The following MAGOHB variants were observed in gnomAD, a reference collection of about 807,000 sequenced individuals.
MAGOHB encodes the protein protein mago nashi homolog 2.
MAGOHB carries 15 observed loss-of-function variants against 20.9 expected under a neutral mutation model. The ratio of observed to expected loss-of-function variants is 0.72; its 90% confidence interval spans 0.48 to 1.11. The LOEUF (loss-of-function observed/expected upper bound fraction) is 1.11. Ranked by LOEUF, MAGOHB falls within the 50% of genes least tolerant of loss-of-function variation. The probability of loss-of-function intolerance (pLI) is 0.00; values close to 1 mark genes in which losing one functional copy is unlikely to be tolerated. For synonymous variants in MAGOHB, 50 were observed against 57.9 expected (o/e 0.86, Z 0.62); for missense variants, 162 against 177.6 (o/e 0.91, Z 0.50).
chr12:10,607,935 T>C lies in MAGOHB; in HGVS notation c.266A>G (p.Glu89Gly). Residue 89 changes from glutamate (E) to glycine (G), a missense_variant and splice_region_variant, in exon 4 of 5, where the codon GAG (glutamate) becomes GGG (glycine). Coordinates refer to ENST00000320756, the MANE Select transcript of MAGOHB (RefSeq NM_018048.5). ...WPPPDRVGRQ[E>G]LEIVIGDEHI... ...CTCATCTCCAATTACAATTTCAAGC[T>C]CCTAAAAAATATAGCAGAAAAATGT... 6.4e-7 allele frequency: 1 copy of C among 1,551,146 alleles called. No homozygotes were observed. Among genetic ancestry groups the C allele is most frequent in the Non-Finnish European group, 8.8e-7 (1 of 1,137,186 alleles).
At chr12:10,606,514 A>G (rs1865632439) in intron 4 of MAGOHB, 140 bp from the exon 5 acceptor site, 2 of 602,480 alleles carry the variant, frequency 3.3e-6, no homozygotes, top group Admixed American at 3.5e-5. Flanking sequence ...GCTGACAACT[A>G]AAATGAACAT....
intron 4 of MAGOHB, among the ~76,000 whole-genome samples, chr12:10,606,681 T>A (rs1865635611): frequency 1.3e-5 from 2 of 152,058 alleles, no homozygotes; most frequent in Non-Finnish European, 2.9e-5. Context: ...TTTCATAGAA[T>A]AACTATAAAC....
At chr12:10,610,575 TGCAAAAAA>T (rs765590218) in intron 2 of MAGOHB, 39 bp downstream of exon 2, 45,777 of 1,182,108 alleles carry the variant, frequency 0.039, 729 homozygotes, top group East Asian at 0.19. Flanking sequence ...ATGGGCTAAA[TGCAAAAAA>T]AAAAAAAAAA....
downstream of MAGOHB, among the ~76,000 whole-genome samples, chr12:10,601,715 A>G (rs11836264): frequency 0.041 from 6,252 of 152,320 alleles, 437 homozygotes; most frequent in African/African-American, 0.14. Context: ...GAAGTCCAAG[A>G]TTCAAATTGT....
In MAGOHB at chr12:10,605,275, C is replaced by T. The variant is rs768845042; in HGVS notation, c.*1000G>A. ...ATTGCAAAAAAGTTATTGGACTGCCCGACTCTAGAGCCTACCTGCTCAGGA... is the reference window on the plus strand; with the variant it reads ...ATTGCAAAAAAGTTATTGGACTGCCTGACTCTAGAGCCTACCTGCTCAGGA... On this transcript the variant is annotated 3_prime_UTR_variant, in exon 5 of 5. Coordinates refer to ENST00000320756, the MANE Select transcript of MAGOHB (RefSeq NM_018048.5). 3 of 152,142 alleles carry T rather than the reference C, an allele frequency of 2.0e-5. No homozygotes were observed. Among genetic ancestry groups the T allele is most frequent in the Admixed American group, 6.6e-5 (1 of 15,266 alleles). 9.4% of individuals were successfully genotyped at this position (152,142 alleles called of 1,614,324 possible).
Position 10,613,561 on chromosome 12 carries a change from G to A in MAGOHB, c.-29C>T, listed in dbSNP as rs1333528443. ...TGTACCCGGGAAGCCCGCCGAAAACGCAGCCAACGTGTCCCCCGGCGCCTT... is the reference window on the plus strand; with the variant it reads ...TGTACCCGGGAAGCCCGCCGAAAACACAGCCAACGTGTCCCCCGGCGCCTT... On this transcript the variant is annotated 5_prime_UTR_variant, in exon 1 of 5. Transcript: ENST00000320756. 6 of 1,495,688 alleles carry A rather than the reference G, an allele frequency of 4.0e-6. No individual in the cohort carries two copies. The highest frequency in any genetic ancestry group is 1.1e-5 in the South Asian group (1 of 88,744). The allele number at this position is 1,495,688 out of a possible 1,614,324, so 92.7% of individuals were successfully genotyped here.
rs984345829 is a variant in MAGOHB at position 10,605,383 on chromosome 12, T to A, written c.*892A>T. On this transcript the variant is annotated 3_prime_UTR_variant, in exon 5 of 5. Coordinates refer to ENST00000320756, the MANE Select transcript of MAGOHB (RefSeq NM_018048.5). Reference sequence around the variant, plus strand: ...CCTAGGGCAAGTGGATTATAACTACTGGAACAGTGCAACTTTTTAAGAGTG... The same window carrying A: ...CCTAGGGCAAGTGGATTATAACTACAGGAACAGTGCAACTTTTTAAGAGTG... 1 of 152,168 alleles carries A rather than the reference T, an allele frequency of 6.6e-6. No individual in the cohort carries two copies. Among genetic ancestry groups the A allele is most frequent in the Non-Finnish European group, 1.5e-5 (1 of 68,042 alleles). 9.4% of individuals were successfully genotyped at this position (152,168 alleles called of 1,614,324 possible). A position where few individuals can be genotyped will look rare whatever the true frequency, so the allele number is the denominator to read the frequency against.
downstream of MAGOHB, among the ~76,000 whole-genome samples, chr12:10,603,675 A>G (rs537939208): frequency 3.9e-5 from 6 of 152,356 alleles, no homozygotes; most frequent in Middle Eastern, 3.4e-3. Context: ...AGGACAAGGT[A>G]GATGCCAGAG....
chr12:10,613,323 A>G (rs1865785187), intron 1 of MAGOHB, 116 bp downstream of exon 1: 1 of 863,970 alleles, frequency 1.2e-6, no homozygotes, highest in African/African-American at 1.7e-5. Context: ...TCTATTCTTA[A>G]GCTCCTATTT....
At position 10,604,418 on chromosome 12, in the gene MAGOHB, G is replaced by A. The variant is rs1338889134; in HGVS notation, c.*1857C>T. 1 of 152,190 alleles carries A rather than the reference G, an allele frequency of 6.6e-6. No individual in the cohort carries two copies. Among genetic ancestry groups the A allele is most frequent in the African/African-American group, 2.4e-5 (1 of 41,460 alleles). The allele number at this position is 152,190 out of a possible 1,614,324, so 9.4% of individuals were successfully genotyped here. A position where few individuals can be genotyped will look rare whatever the true frequency, so the allele number is the denominator to read the frequency against. On this transcript the variant is annotated 3_prime_UTR_variant, in exon 5 of 5. Coordinates refer to ENST00000320756, the MANE Select transcript of MAGOHB (RefSeq NM_018048.5). ...GTCTCCCATCTTGGTTTAAATATGA[G>A]AAATTCTAGTAGATAGTGGGGATAG... is the stretch of plus-strand genomic sequence containing the variant.
downstream of MAGOHB, among the ~76,000 whole-genome samples, chr12:10,602,210 G>C (rs115385932): frequency 0.012 from 1,846 of 152,276 alleles, 40 homozygotes; most frequent in African/African-American, 0.041. Context: ...ATAATATAAA[G>C]TCCACAAGTC....
downstream of MAGOHB, among the ~76,000 whole-genome samples, chr12:10,602,128 A>G (rs938442704): frequency 6.6e-6 from 1 of 152,242 alleles, no homozygotes; most frequent in East Asian, 1.9e-4. Flanking sequence ...GAAGGTGAAT[A>G]GTTCTCAGGA....
downstream of MAGOHB, among the ~76,000 whole-genome samples, chr12:10,603,745 T>C (rs1009197565): frequency 3.3e-5 from 5 of 152,212 alleles, no homozygotes; most frequent in African/African-American, 1.2e-4. Context: ...CCAAGGCAGA[T>C]TCTGAACTCA....
At chr12:10,611,199 TTC>T (rs1007899047) in intron 1 of MAGOHB, among the ~76,000 whole-genome samples, 14 of 152,238 alleles carry the variant, frequency 9.2e-5, no homozygotes, top group African/African-American at 2.9e-4. Context: ...CACCAAAATG[TTC>T]TCTTTTAAAA....
intron 1 of MAGOHB, among the ~76,000 whole-genome samples, chr12:10,611,670 T>A (rs1591665915): frequency 7.4e-6 from 1 of 134,350 alleles, no homozygotes; most frequent in South Asian, 2.4e-4. Context: ...ATCGCTTCAA[T>A]CCACGAGGCG....
At chr12:10,609,973 G>A (rs1195842171) in intron 2 of MAGOHB, 32 bp from the exon 3 acceptor site, 7 of 1,232,360 alleles carry the variant, frequency 5.7e-6, no homozygotes, top group Non-Finnish European at 8.1e-6. Context: ...ATGAGATAAT[G>A]CCCACCTATG....
chr12:10,602,955 G>T (rs540744450), downstream of MAGOHB, among the ~76,000 whole-genome samples: 29 of 152,206 alleles, frequency 1.9e-4, no homozygotes, highest in African/African-American at 6.7e-4. Context: ...TCACTTCACT[G>T]GGAGGACTAA....
chr12:10,612,535 G>T, intron 1 of MAGOHB: 2 of 314,274 alleles, frequency 6.4e-6, no homozygotes, highest in Non-Finnish European at 9.4e-6. Context: ...ATTGTCCAAA[G>T]CCTGCTTATA....
At chr12:10,612,860 A>G in intron 1 of MAGOHB, 1 of 1,288,994 alleles carries the variant, frequency 7.8e-7, no homozygotes, top group Non-Finnish European at 1.0e-6. Context: ...TTTTTCTCTC[A>G]AAGGCCAAGT....
Sources: allele counts gnomAD v4.1 joint callset (sites outside exome capture counted in the v4.1 genomes callset), GRCh38; gene constraint gnomAD v4.1.1; transcripts MANE v1.5; gene names NCBI Gene and HGNC (gene_info 2026-07-23, HGNC 2026-07-21).